The following SMOX variants were observed in gnomAD, a reference collection of about 807,000 sequenced individuals.
The protein encoded by SMOX is flavin containing amine oxidase.
A neutral mutation model predicts 51.0 loss-of-function variants in SMOX; 22 were observed. The ratio of observed to expected loss-of-function variants is 0.43; its 90% CI spans 0.31 to 0.62. SMOX has a LOEUF of 0.62. Ranked by LOEUF, SMOX falls within the 20% of genes least tolerant of loss-of-function variation. SMOX has a pLI of 0.10. For missense variants in SMOX, 566 were observed against 777.7 expected (o/e 0.73, Z 3.24); for synonymous variants, 282 against 307.8 (o/e 0.92, Z 0.88).
Position 4,182,526 on chromosome 20 carries a change from G to A in SMOX, c.1047G>A (p.Leu349=). The A allele has an allele frequency of 6.2e-7, 1 of 1,612,730 alleles. No homozygotes were observed. The highest frequency in any genetic ancestry group is 1.3e-5 in the African/African-American group (1 of 75,018). The change falls in exon 5 of 7, where the codon CTG becomes CTA. Residue 349 remains leucine, a synonymous_variant. Coordinates refer to ENST00000305958, the MANE Select transcript of SMOX (RefSeq NM_175839.3). This position sits in a 1 kb window ranked among gnomAD's most constrained non-coding sequence, Gnocchi z 8.4. The stretch of plus-strand genomic sequence containing the variant: ...ACACCAGTTTCTTCCGGCCAGGCCT[G>A]CCCACAGAGAAGGTGGCTGCCATCC... ...RQYTSFFRPG[L]PTEKVAAIHR...
Position 4,181,892 on chromosome 20 carries a change from G to T in SMOX, c.525G>T (p.Glu175Asp). Residue 175 changes from glutamate (E) to aspartate (D), a missense_variant, in exon 4 of 7, where the codon GAG becomes GAT. Coordinates refer to ENST00000305958, the MANE Select transcript of SMOX (RefSeq NM_175839.3). This position sits in a 1 kb window ranked among gnomAD's most constrained non-coding sequence, Gnocchi z 5.6. ...GCGTGGGGGTGTTCACCCGAGAGGAGGTGCGTAACCGCATCAGGAATGACC... is the reference window on the plus strand; with the variant it reads ...GCGTGGGGGTGTTCACCCGAGAGGATGTGCGTAACCGCATCAGGAATGACC... ...QNSVGVFTRE[E>D]VRNRIRNDPD... is the part of the protein sequence containing the mutation. 3 of 1,614,166 alleles carry T rather than the reference G, an allele frequency of 1.9e-6. No individual in the cohort carries two copies. Among genetic ancestry groups the T allele is most frequent in the Non-Finnish European group, 2.5e-6 (3 of 1,180,040 alleles).
At chr20:4,178,965 G>A (rs1347127255) in intron 3 of SMOX, among the ~76,000 whole-genome samples, 3 of 152,162 alleles carry the variant, frequency 2.0e-5, no homozygotes, top group Non-Finnish European at 4.4e-5. Flanking sequence ...TTACAAGCGT[G>A]AGCCACCTCG....
chr20:4,168,718 G>A (rs1986686011), intron 1 of SMOX, among the ~76,000 whole-genome samples: 1 of 151,842 alleles, frequency 6.6e-6, no homozygotes, highest in Non-Finnish European at 1.5e-5. Flanking sequence ...CACCACGCTT[G>A]GCTAATTTTT....
intron 1 of SMOX, among the ~76,000 whole-genome samples, chr20:4,157,789 T>A (rs1261353896): frequency 6.6e-6 from 1 of 152,150 alleles, no homozygotes; most frequent in African/African-American, 2.4e-5. Context: ...TCTCAGACTC[T>A]CAGGGCAGTC....
At chr20:4,186,740 C>T (rs1979762643) in intron 6 of SMOX, 2 of 780,870 alleles carry the variant, frequency 2.6e-6, no homozygotes, top group East Asian at 2.4e-5. Context: ...GCTTCCTCAC[C>T]AGCATGGAAG....
At chr20:4,173,201 C>G (rs1203148019) in intron 1 of SMOX, among the ~76,000 whole-genome samples, 2 of 152,256 alleles carry the variant, frequency 1.3e-5, no homozygotes, top group African/African-American at 4.8e-5. Context: ...TTCCGTCTAC[C>G]CCAGAAAGGC....
At position 4,174,236 on chromosome 20, in the gene SMOX, GGAAA is replaced by G. The variant is rs148388148; in HGVS notation, c.-26-791_-26-788del. Among the ~76,000 whole-genome samples the G allele has an allele frequency of 4.1e-3, 627 of 152,340 alleles. 6 individuals are homozygous for G. The highest frequency in any genetic ancestry group is 0.015 in the African/African-American group (608 of 41,582). ...AGCCAGAGACAAGAGAAGGGGCAAGGGAAAGAGAGAGAGAGTGCCAGGGAAAAGC... is the reference window on the plus strand; with the variant it reads ...AGCCAGAGACAAGAGAAGGGGCAAGGGAGAGAGAGAGTGCCAGGGAAAAGC... On this transcript the variant is annotated intron_variant, in intron 1 of 6. Transcript: ENST00000305958.
chr20:4,150,081 C>T (rs997898849), intron 1 of SMOX, among the ~76,000 whole-genome samples: 4 of 152,202 alleles, frequency 2.6e-5, no homozygotes, highest in Admixed American at 6.5e-5. Context: ...CCTCTCTCTC[C>T]AGTGTTAGAA....
rs1986634601 is a variant in SMOX, at chr20:4,167,865, C to G, written c.-26-7165C>G. On this transcript the variant is annotated intron_variant, in intron 1 of 6. Coordinates refer to ENST00000305958, the MANE Select transcript of SMOX (RefSeq NM_175839.3). This position sits in a 1 kb window ranked among gnomAD's most constrained non-coding sequence, Gnocchi z 4.8. ...GGCTGGGAGGAGTTGGGGCCCAGCC[C>G]CTCCCTGGTTGAGGGGTGGGAGGAG... Among the ~76,000 whole-genome samples, 1 of 152,026 alleles carries G rather than the reference C, an allele frequency of 6.6e-6. No homozygotes were observed. The highest frequency in any genetic ancestry group is 6.5e-5 in the Admixed American group (1 of 15,274).
chr20:4,168,391 G>A (rs1054207255), intron 1 of SMOX, among the ~76,000 whole-genome samples: 16 of 152,146 alleles, frequency 1.1e-4, no homozygotes, highest in African/African-American at 3.9e-4. Context: ...CAGGCAAAGT[G>A]AGCCAGGTGG....
chr20:4,180,399 C>T (rs1979233821), intron 3 of SMOX, among the ~76,000 whole-genome samples: 1 of 152,190 alleles, frequency 6.6e-6, no homozygotes, highest in Non-Finnish European at 1.5e-5. Flanking sequence ...ACAGGGCAGA[C>T]ACCATTCCCA....
chr20:4,154,399 G>A (rs1232810830), intron 1 of SMOX, among the ~76,000 whole-genome samples: 12 of 103,738 alleles, frequency 1.2e-4, no homozygotes, highest in Admixed American at 1.0e-3. Context: ...TTTTTGAGAC[G>A]GAGTCTTGCT....
intron 3 of SMOX, among the ~76,000 whole-genome samples, chr20:4,180,820 G>A (rs371372635): frequency 1.6e-3 from 237 of 152,204 alleles, no homozygotes; most frequent in African/African-American, 4.7e-3. Context: ...GGTTGTCTGC[G>A]TTGACCTCAC....
Position 4,187,366 on chromosome 20 carries a change from C to T in SMOX, c.1627C>T (p.Leu543Phe). The change falls in exon 7 of 7, where the codon CTC (leucine) becomes TTC (phenylalanine). Residue 543 changes from leucine to phenylalanine, a missense_variant. Leu to Phe is a conservative substitution (Grantham distance 22, BLOSUM62 0). This residue lies in a region of SMOX where 347 missense variants were observed against 481.8 expected (regional missense o/e 0.72). Coordinates refer to ENST00000305958, the MANE Select transcript of SMOX (RefSeq NM_175839.3). The surrounding 1 kb of genome is among the most constrained non-coding windows in gnomAD (Gnocchi z 4.8). The part of the protein sequence containing the change: ...LLSGQREAAR[L>F]IEMYRDLFQQ... ...GTCCGGCCAGCGTGAGGCTGCCCGC[C>T]TCATTGAGATGTACCGAGACCTCTT... is the stretch of plus-strand genomic sequence containing the variant. 1.9e-6 allele frequency: 3 copies of T among 1,614,228 alleles called. No homozygotes were observed. The highest frequency in any genetic ancestry group is 2.5e-6 in the Non-Finnish European group (3 of 1,180,040).
intron 3 of SMOX, among the ~76,000 whole-genome samples, chr20:4,178,193 C>T (rs897011243): frequency 9.2e-5 from 14 of 152,148 alleles, no homozygotes; most frequent in African/African-American, 2.9e-4. Context: ...AGGCACGTGG[C>T]ATGCCCAGCT....
intron 1 of SMOX, among the ~76,000 whole-genome samples, chr20:4,173,158 A>G (rs1279659323): frequency 6.6e-6 from 1 of 152,172 alleles, no homozygotes; most frequent in East Asian, 1.9e-4. Flanking sequence ...TCATACGTGC[A>G]CTGGGTACCC....
intron 3 of SMOX, among the ~76,000 whole-genome samples, chr20:4,180,444 G>C (rs1441374573): frequency 6.6e-6 from 1 of 152,186 alleles, no homozygotes; most frequent in East Asian, 1.9e-4. Flanking sequence ...TTTAGGAAGG[G>C]AAACAAACCA....
At chr20:4,168,776 T>C (rs185675886) in intron 1 of SMOX, among the ~76,000 whole-genome samples, 11,640 of 151,406 alleles carry the variant, frequency 0.077, 582 homozygotes, top group African/African-American at 0.13. Context: ...AGGCTGGTCT[T>C]GAGCTCCTGG....
At position 4,186,702 on chromosome 20, in the gene SMOX, G is replaced by C. The variant is rs377474470; in HGVS notation, c.1531-568G>C. 1.7e-4 allele frequency: 131 copies of C among 779,332 alleles called. 2 individuals carry two copies. Among genetic ancestry groups the C allele is most frequent in the South Asian group, 1.5e-3 (109 of 74,478 alleles). The allele number at this position is 779,332 out of a possible 1,614,324, so 48.3% of individuals were successfully genotyped here. On this transcript the variant is annotated intron_variant, in intron 6 of 6. Coordinates refer to ENST00000305958, the MANE Select transcript of SMOX (RefSeq NM_175839.3). The stretch of plus-strand genomic sequence containing the variant: ...AAACACCCATTCCATCACATATGAC[G>C]CTGTTTAGTAATTGGGTTTCATGTC...
Sources: allele counts gnomAD v4.1 joint callset (sites outside exome capture counted in the v4.1 genomes callset), GRCh38; gene constraint gnomAD v4.1.1; regional missense constraint gnomAD v4.1.1; non-coding constraint Gnocchi (gnomAD v3.1); transcripts MANE v1.5; gene names NCBI Gene and HGNC (gene_info 2026-07-23, HGNC 2026-07-21).